The following ABHD12 variants were observed in gnomAD, a reference collection of about 807,000 sequenced individuals.
ABHD12 encodes abhydrolase domain containing 12, lysophospholipase.
In ABHD12, 43 loss-of-function variants were observed where a neutral mutation model predicts 58.3. The ratio of observed to expected loss-of-function variants is 0.74; its 90% CI spans 0.58 to 0.95. ABHD12 has a LOEUF of 0.95. Among genes scored for constraint, ABHD12 ranks in the 40% least tolerant of loss-of-function variants. ABHD12 has a pLI of 0.00. For missense variants in ABHD12, 539 were observed against 537.2 expected, an observed-to-expected ratio of 1.00 and a Z score of -0.03; for synonymous variants, 219 against 211.2, an observed-to-expected ratio of 1.04 and a Z score of -0.32.
intron 10 of ABHD12, among the ~76,000 whole-genome samples, chr20:25,304,713 G>A (rs981310020): frequency 1.3e-5 from 2 of 149,220 alleles, no homozygotes; most frequent in African/African-American, 5.0e-5. Flanking sequence ...GACTACAGGC[G>A]TGCACCACCA....
chr20:25,324,609 G>A (rs1600799965), intron 2 of ABHD12, among the ~76,000 whole-genome samples: 1 of 152,220 alleles, frequency 6.6e-6, no homozygotes, highest in East Asian at 1.9e-4. Context: ...TGAAGACAGG[G>A]GTTGCGTGAC....
downstream of ABHD12, chr20:25,295,494 G>C (rs2088527075): frequency 7.6e-7 from 1 of 1,315,506 alleles, no homozygotes; most frequent in Non-Finnish European, 1.1e-6. Context: ...CTTCGCTCCA[G>C]ACAGGACCAG....
intron 1 of ABHD12, among the ~76,000 whole-genome samples, chr20:25,346,761 T>C (rs1728066829): frequency 6.6e-6 from 1 of 150,594 alleles, no homozygotes; most frequent in Non-Finnish European, 1.5e-5. Context: ...TCTCCTGCCC[T>C]CAGCCTCCCG....
Position 25,320,297 on chromosome 20 carries a change from C to A in ABHD12, c.444G>T (p.Trp148Cys). 1 of 1,614,030 alleles carries A rather than the reference C, an allele frequency of 6.2e-7. No individual in the cohort carries two copies. The highest frequency in any genetic ancestry group is 8.5e-7 in the Non-Finnish European group (1 of 1,180,036). The change falls in exon 4 of 13, where the codon TGG (tryptophan) becomes TGT (cysteine). Residue 148 changes from tryptophan to cysteine, a missense_variant. By Grantham distance (215) the Trp-to-Cys change is radical. Coordinates refer to ENST00000339157, the MANE Select transcript of ABHD12 (RefSeq NM_001042472.3). ...GGTCTTTGCCTTGGGCGTTCTTCCA[C>A]CAGACTGCAGGGACGGTGTGCCTGC... The part of the protein sequence containing the change: ...IGVWHTVPAV[W>C]WKNAQGKDQM...
At chr20:25,368,517 C>T in intron 1 of ABHD12, 2 of 1,501,462 alleles carry the variant, frequency 1.3e-6, no homozygotes, top group Middle Eastern at 1.7e-4. Context: ...AAGTTTTCAT[C>T]ACCAAATTTC....
intron 1 of ABHD12, among the ~76,000 whole-genome samples, chr20:25,390,294 G>C: frequency 6.6e-6 from 1 of 152,286 alleles, no homozygotes; most frequent in Admixed American, 6.5e-5. Context: ...GGGGGTCAGC[G>C]GCAGGGCAGG....
intron 1 of ABHD12, among the ~76,000 whole-genome samples, chr20:25,355,711 ACCATGC>A (rs2089658650): frequency 6.6e-6 from 1 of 152,006 alleles, no homozygotes. Context: ...GGCACCCACC[ACCATGC>A]CCAGGTAATT....
At chr20:25,384,153 A>AT (rs2090058130) in intron 1 of ABHD12, among the ~76,000 whole-genome samples, 1 of 44,152 alleles carries the variant, frequency 2.3e-5, no homozygotes, top group African/African-American at 1.4e-4. Context: ...AAAAAAAAAA[A>AT]AAGAAAAAAA....
In ABHD12 at chr20:25,323,354, C is replaced by G; in HGVS notation, c.393G>C (p.Gln131His). Reference protein sequence around the residue: ...GLNHTCNYYLQPEEDVTIGVW... With the variant: ...GLNHTCNYYLHPEEDVTIGVW... ...CTCCAATGGTCACGTCTTCCTCTGG[C>G]TGCAGGTAGTAGTTACACGTGTGAT... Residue 131 changes from glutamine (Q) to histidine (H), a missense_variant, in exon 3 of 13, where the codon CAG (glutamine) becomes CAC (histidine). By Grantham distance (24) the Gln-to-His change is conservative. Transcript: ENST00000339157. 1 of 1,614,078 alleles carries G rather than the reference C, an allele frequency of 6.2e-7. No individual in the cohort carries two copies. The highest frequency in any genetic ancestry group is 8.5e-7 in the Non-Finnish European group (1 of 1,179,922).
rs779308393 is a variant in ABHD12 at position 25,309,517 on chromosome 20, G to A, written c.678C>T (p.His226=). ...SERGMTYDAL[H]VFDWIKARSG... is the part of the protein sequence containing the mutation. ...TTCTTGCTTTGATCCAGTCAAAAACGTGGAGTGCGTCATAGGTCATGCCCC... is the reference window on the plus strand; with the variant it reads ...TTCTTGCTTTGATCCAGTCAAAAACATGGAGTGCGTCATAGGTCATGCCCC... Residue 226 remains histidine (H), a synonymous_variant, in exon 7 of 13, where the codon CAC becomes CAT. Transcript: ENST00000339157. 1.5e-5 allele frequency: 24 copies of A among 1,614,086 alleles called. No homozygotes were observed. Among genetic ancestry groups the A allele is most frequent in the South Asian group, 9.9e-5 (9 of 91,094 alleles).
intron 1 of ABHD12, among the ~76,000 whole-genome samples, chr20:25,365,712 A>G (rs1272829441): frequency 6.6e-6 from 1 of 152,214 alleles, no homozygotes; most frequent in Non-Finnish European, 1.5e-5. Context: ...CCAATCTGAT[A>G]GGTGAGAAAT....
intron 1 of ABHD12, among the ~76,000 whole-genome samples, chr20:25,362,982 AT>A (rs1027518046): frequency 2.6e-4 from 38 of 147,664 alleles, no homozygotes; most frequent in Non-Finnish European, 3.9e-4. Flanking sequence ...CTTTTACTTG[AT>A]TTTTTTTTTG....
intron 2 of ABHD12, among the ~76,000 whole-genome samples, chr20:25,329,065 CAGTGCCAGGCG>C (rs1389618131): frequency 6.6e-6 from 1 of 152,240 alleles, no homozygotes; most frequent in Non-Finnish European, 1.5e-5. Context: ...TCCTGCAGGC[CAGTGCCAGGCG>C]AGTGCCAGGA....
chr20:25,295,821 G>A (rs746034246), downstream of ABHD12: 70 of 858,796 alleles, frequency 8.2e-5, 1 homozygote, highest in Non-Finnish European at 1.2e-4. Flanking sequence ...GGCTGTGCCT[G>A]CCTTTAGGGA....
chr20:25,335,837 T>C (rs1327792411), intron 2 of ABHD12, among the ~76,000 whole-genome samples: 2 of 139,414 alleles, frequency 1.4e-5, no homozygotes, highest in Non-Finnish European at 3.1e-5. Flanking sequence ...GGGATAGCAT[T>C]GGGAGATATA....
intron 2 of ABHD12, among the ~76,000 whole-genome samples, chr20:25,328,971 C>T (rs58351126): frequency 0.12 from 18,088 of 152,166 alleles, 2,064 homozygotes; most frequent in African/African-American, 0.3. Flanking sequence ...AGCAGAAATG[C>T]CTCAAAGTGA....
At chr20:25,369,489 C>T (rs1318365303) in intron 1 of ABHD12, among the ~76,000 whole-genome samples, 2 of 152,122 alleles carry the variant, frequency 1.3e-5, no homozygotes, top group Non-Finnish European at 2.9e-5. Context: ...CATCACTTTG[C>T]GACACTGCCA....
intron 12 of ABHD12, among the ~76,000 whole-genome samples, chr20:25,301,905 A>T (rs2088641410): frequency 6.6e-6 from 1 of 152,216 alleles, no homozygotes; most frequent in Admixed American, 6.5e-5. Flanking sequence ...GAGGCCTGCA[A>T]GTGGCTGGGG....
chr20:25,363,741 C>T (rs1022367134), intron 1 of ABHD12, among the ~76,000 whole-genome samples: 2 of 151,728 alleles, frequency 1.3e-5, no homozygotes, highest in Non-Finnish European at 2.9e-5. Flanking sequence ...GGCACATGCC[C>T]GTAATCTCAG....
Sources: gnomAD v4.1 joint callset for allele counts (sites outside exome capture counted in the v4.1 genomes callset) on GRCh38, gnomAD v4.1.1 for gene constraint, MANE v1.5 for transcripts, NCBI Gene and HGNC (gene_info 2026-07-23, HGNC 2026-07-21) for gene names.